MAGI1: variants seen among roughly 807,000 people sequenced by gnomAD.
MAGI1 encodes membrane-associated guanylate kinase, WW and PDZ domain-containing protein 1.
MAGI1 carries 58 observed loss-of-function variants against 139.9 expected under a neutral mutation model. That is an observed-to-expected ratio of 0.41 (90% CI 0.34 to 0.52). The LOEUF (loss-of-function observed/expected upper bound fraction) is 0.52, where lower values mean the gene tolerates loss of function less well. Among genes scored for constraint, MAGI1 ranks in the 20% least tolerant of loss-of-function variants. The pLI, the probability that MAGI1 is intolerant of heterozygous loss-of-function variation, is 0.12. For synonymous variants in MAGI1, 812 were observed against 737.9 expected (o/e 1.10, Z -1.63); for missense variants, 1,874 against 1,901.6 (o/e 0.99, Z 0.27).
At chr3:65,798,690 G>C (rs533949338) in intron 1 of MAGI1, among the ~76,000 whole-genome samples, 1 of 152,300 alleles carries the variant, frequency 6.6e-6, no homozygotes, top group African/African-American at 2.4e-5. Context: ...TACAGCTACA[G>C]TAGTCCCCCC....
intron 1 of MAGI1, among the ~76,000 whole-genome samples, chr3:65,913,748 A>G (rs1320145798): frequency 6.6e-6 from 1 of 152,232 alleles, no homozygotes; most frequent in Non-Finnish European, 1.5e-5. Context: ...CAAACTGAAA[A>G]CACAGCAGAA....
At chr3:65,531,153 G>T (rs566397563) in intron 2 of MAGI1, among the ~76,000 whole-genome samples, 1 of 151,212 alleles carries the variant, frequency 6.6e-6, no homozygotes, top group East Asian at 2.0e-4. Flanking sequence ...AATTCTCTCA[G>T]GACACAAAAA....
chr3:65,956,022 C>T (rs1315737742), intron 1 of MAGI1, among the ~76,000 whole-genome samples: 8 of 152,214 alleles, frequency 5.3e-5, no homozygotes, highest in African/African-American at 1.4e-4. Flanking sequence ...GTTTATGGTT[C>T]TGCCCGGCCA....
At chr3:65,502,843 G>T (rs1270645403) in intron 2 of MAGI1, among the ~76,000 whole-genome samples, 1 of 152,212 alleles carries the variant, frequency 6.6e-6, no homozygotes. Context: ...GAAAAGGTGT[G>T]TGGGTAAGGT....
At chr3:65,541,029 G>A (rs571605976) in intron 2 of MAGI1, among the ~76,000 whole-genome samples, 23 of 152,114 alleles carry the variant, frequency 1.5e-4, no homozygotes, top group Non-Finnish European at 2.4e-4. Context: ...AGTTTGAAAA[G>A]ATATATTCTT....
intron 1 of MAGI1, among the ~76,000 whole-genome samples, chr3:65,857,593 C>T (rs1462595846): frequency 6.6e-6 from 1 of 152,234 alleles, no homozygotes; most frequent in East Asian, 1.9e-4. Context: ...ATTTGCCATA[C>T]CATATCGTAG....
chr3:65,889,061 T>G (rs1215458738), intron 1 of MAGI1, among the ~76,000 whole-genome samples: 1 of 152,202 alleles, frequency 6.6e-6, no homozygotes, highest in African/African-American at 2.4e-5. Flanking sequence ...ATCAGATTCA[T>G]AGCAGTTTTC....
chr3:65,453,436 C>G, intron 5 of MAGI1, 96 bp from the exon 6 acceptor site: 2 of 860,084 alleles, frequency 2.3e-6, no homozygotes, highest in South Asian at 3.1e-5. Flanking sequence ...AATATTTCTT[C>G]CTTAACTACA....
chr3:65,497,859 A>G (rs1484772434), intron 2 of MAGI1, among the ~76,000 whole-genome samples: 2 of 152,170 alleles, frequency 1.3e-5, no homozygotes, highest in South Asian at 4.1e-4. Flanking sequence ...AAATATGCTT[A>G]GGATGCCTTA....
intron 1 of MAGI1, among the ~76,000 whole-genome samples, chr3:65,789,459 T>C (rs891669774): frequency 3.9e-5 from 6 of 152,206 alleles, no homozygotes; most frequent in Non-Finnish European, 8.8e-5. Flanking sequence ...CAAGGAACAT[T>C]TTGCTTGGCT....
chr3:65,606,654 A>T (rs2082757906), intron 2 of MAGI1, among the ~76,000 whole-genome samples: 2 of 152,114 alleles, frequency 1.3e-5, no homozygotes, highest in Non-Finnish European at 2.9e-5. Context: ...AGTAGCTGGA[A>T]TTACAGGCAC....
At chr3:65,691,472 A>T (rs1215961179) in intron 1 of MAGI1, among the ~76,000 whole-genome samples, 1 of 152,142 alleles carries the variant, frequency 6.6e-6, no homozygotes, top group Non-Finnish European at 1.5e-5. Context: ...GCTCTGTAAT[A>T]TTCTACACTG....
At chr3:65,727,795 G>T (rs72906195) in intron 1 of MAGI1, among the ~76,000 whole-genome samples, 1 of 152,180 alleles carries the variant, frequency 6.6e-6, no homozygotes. Context: ...GATCAACAAG[G>T]TAGGCAAGAC....
intron 2 of MAGI1, among the ~76,000 whole-genome samples, chr3:65,498,538 T>C (rs769922016): frequency 8.5e-5 from 13 of 152,208 alleles, no homozygotes; most frequent in Non-Finnish European, 1.6e-4. Context: ...TCAATACTAT[T>C]ATTGTATATA....
intron 13 of MAGI1, among the ~76,000 whole-genome samples, chr3:65,395,629 T>C: frequency 1.1e-4 from 1 of 8,800 alleles, no homozygotes; most frequent in African/African-American, 3.0e-4. Context: ...AGAGCGAGAC[T>C]CCATCTCAAA....
intron 1 of MAGI1, among the ~76,000 whole-genome samples, chr3:65,699,574 G>C (rs1224280905): frequency 2.0e-5 from 3 of 147,668 alleles, no homozygotes; most frequent in Non-Finnish European, 4.5e-5. Flanking sequence ...CATGTCCTTT[G>C]TAGGGACATG....
intron 10 of MAGI1, among the ~76,000 whole-genome samples, chr3:65,436,167 ATT>A (rs1343622483): frequency 3.9e-5 from 6 of 152,158 alleles, no homozygotes; most frequent in Non-Finnish European, 8.8e-5. Context: ...CAGAGAAACA[ATT>A]TCTTTCTTAT....
intron 1 of MAGI1, among the ~76,000 whole-genome samples, chr3:65,797,575 G>A (rs1393248968): frequency 1.3e-5 from 2 of 152,030 alleles, no homozygotes; most frequent in African/African-American, 4.8e-5. Flanking sequence ...AATTAGCCTG[G>A]TGTGGTGGCA....
At chr3:65,480,531 T>C (rs576011448) in intron 3 of MAGI1, among the ~76,000 whole-genome samples, 1 of 134,464 alleles carries the variant, frequency 7.4e-6, no homozygotes, top group East Asian at 2.0e-4. Context: ...CTAGATCCTA[T>C]CTCAAAAAAA....
Sources: gnomAD v4.1 joint callset for allele counts (sites outside exome capture counted in the v4.1 genomes callset) on GRCh38, gnomAD v4.1.1 for gene constraint, MANE v1.5 for transcripts, NCBI Gene and HGNC (gene_info 2026-07-23, HGNC 2026-07-21) for gene names.